ZC3H12B: variants seen among roughly 807,000 people sequenced by gnomAD.
The protein encoded by ZC3H12B is zinc finger CCCH-type containing 12B, also known as probable ribonuclease ZC3H12B.
In ZC3H12B, 7 loss-of-function variants were observed where a neutral mutation model predicts 43.9. That is an observed-to-expected ratio of 0.16 (90% CI 0.09 to 0.30). The LOEUF (loss-of-function observed/expected upper bound fraction) is 0.30. Among genes scored for constraint, ZC3H12B ranks in the 10% least tolerant of loss-of-function variants. ZC3H12B has a pLI of 1.00. For synonymous variants in ZC3H12B, 222 were observed against 241.7 expected (o/e 0.92, Z 0.76); for missense variants, 475 against 670.2 (o/e 0.71, Z 3.22).
At chrX:65,211,861 CTATATAA>C in the ZC3H12B span, among the ~76,000 whole-genome samples, 3 of 70,238 alleles carry the variant, frequency 4.3e-5, no homozygotes, top group Non-Finnish European at 7.3e-5. Context: ...GTTATGTATA[CTATATAA>C]TATATAATAT....
the ZC3H12B span, among the ~76,000 whole-genome samples, chrX:65,078,649 G>A: frequency 8.9e-6 from 1 of 111,753 alleles, no homozygotes; most frequent in Non-Finnish European, 1.9e-5. Flanking sequence ...ATCAAAGATT[G>A]ATTGAAGTGT....
At chrX:65,317,070 G>A in the ZC3H12B span, among the ~76,000 whole-genome samples, 1 of 111,146 alleles carries the variant, frequency 9.0e-6, no homozygotes, top group Non-Finnish European at 1.9e-5. Flanking sequence ...ATAATGGTAA[G>A]GGGGTAAATT....
At chrX:65,240,008 C>T in the ZC3H12B span, among the ~76,000 whole-genome samples, 1 of 111,228 alleles carries the variant, frequency 9.0e-6, no homozygotes, top group Non-Finnish European at 1.9e-5. Context: ...CCTTAACATC[C>T]TCTATTTCAT....
At chrX:65,347,569 TAA>T in the ZC3H12B span, among the ~76,000 whole-genome samples, 1 of 111,721 alleles carries the variant, frequency 9.0e-6, no homozygotes, top group South Asian at 3.8e-4. Context: ...TGGTGATCAT[TAA>T]AAAGTCAGGA....
Position 65,479,039 on chromosome X carries a change from A to G in ZC3H12B, n.408-9607A>G, listed in dbSNP as rs2068031378. Among the ~76,000 whole-genome samples the G allele has an allele frequency of 2.7e-5, 3 of 112,474 alleles. No homozygotes were observed. In the South Asian group the frequency reaches 1.1e-3, roughly 41 times the overall value. On this transcript the variant is annotated intron_variant and non_coding_transcript_variant, in intron 3 of 5. Coordinates refer to the ZC3H12B transcript ENST00000617377. ...CCTGAGGAAAAAGCTGTTCATTATT[A>G]GTGAGCTCTAAATCACATCAAATAA...
chrX:65,364,409 CAAAAAAA>C (rs796078421), upstream of ZC3H12B, among the ~76,000 whole-genome samples: 1 of 55,817 alleles, frequency 1.8e-5, no homozygotes, highest in Admixed American at 2.1e-4. Flanking sequence ...GCTTTACTTC[CAAAAAAA>C]AAAAAAAAAA....
chrX:65,504,334 TTTAACTAG>T (rs1044376364), exon 5 of ZC3H12B: 3 of 112,649 alleles, frequency 2.7e-5, no homozygotes, highest in Admixed American at 9.4e-5. Context: ...ATTTCATAGT[TTTAACTAG>T]TTATGAGAGA....
the ZC3H12B span, among the ~76,000 whole-genome samples, chrX:65,317,975 A>C: frequency 9.3e-6 from 1 of 107,512 alleles, no homozygotes; most frequent in African/African-American, 3.4e-5. Flanking sequence ...TTTTGCTGCT[A>C]TAAACATGCA....
At chrX:65,380,277 G>A (rs1248486250) in intron 2 of ZC3H12B, among the ~76,000 whole-genome samples, 1 of 112,186 alleles carries the variant, frequency 8.9e-6, no homozygotes, top group Non-Finnish European at 1.9e-5. Context: ...AACTCTATAA[G>A]CCAGAAGAGA....
the ZC3H12B span, among the ~76,000 whole-genome samples, chrX:65,058,794 C>T: frequency 3.6e-5 from 4 of 112,169 alleles, no homozygotes; most frequent in Admixed American, 3.8e-4. Context: ...CTTCCCCCAG[C>T]CTCACTGCCA....
chrX:65,072,258 T>C, the ZC3H12B span, among the ~76,000 whole-genome samples: 3 of 112,592 alleles, frequency 2.7e-5, no homozygotes, highest in African/African-American at 9.7e-5. Flanking sequence ...ATACTTGTGA[T>C]TGCATTATGA....
chrX:65,053,221 T>A, the ZC3H12B span, among the ~76,000 whole-genome samples: 1 of 110,826 alleles, frequency 9.0e-6, no homozygotes, highest in East Asian at 2.8e-4. Context: ...ACTCGCTATT[T>A]ACATTAGGTA....
the ZC3H12B span, among the ~76,000 whole-genome samples, chrX:65,348,989 G>C: frequency 2.7e-5 from 3 of 111,382 alleles, no homozygotes; most frequent in Middle Eastern, 4.6e-3. Flanking sequence ...AGGATATTCA[G>C]GACTTGAACT....
At chrX:65,317,370 C>A in the ZC3H12B span, among the ~76,000 whole-genome samples, 1 of 110,513 alleles carries the variant, frequency 9.0e-6, no homozygotes, top group Non-Finnish European at 1.9e-5. Flanking sequence ...ATTACACAAC[C>A]TACTCTTTTA....
At chrX:65,314,400 C>A in the ZC3H12B span, among the ~76,000 whole-genome samples, 1 of 111,228 alleles carries the variant, frequency 9.0e-6, no homozygotes, top group Non-Finnish European at 1.9e-5. Flanking sequence ...ATGTTGAAGG[C>A]AGACCGAGAA....
At chrX:65,484,994 T>C (rs766653487), upstream of ZC3H12B, among the ~76,000 whole-genome samples, 1 of 112,165 alleles carries the variant, frequency 8.9e-6, no homozygotes, top group African/African-American at 3.2e-5. Context: ...TTTTAGCAGA[T>C]TTTGCCTGCA....
At chrX:65,073,252 T>C in the ZC3H12B span, among the ~76,000 whole-genome samples, 1 of 112,749 alleles carries the variant, frequency 8.9e-6, no homozygotes, top group Non-Finnish European at 1.9e-5. Flanking sequence ...AGTCTGTCCA[T>C]GCACATGCAT....
At chrX:65,463,704 C>G (rs188115567) in intron 3 of ZC3H12B, among the ~76,000 whole-genome samples, 338 of 111,127 alleles carry the variant, frequency 3.0e-3, no homozygotes, top group Admixed American at 5.3e-3. Flanking sequence ...ATATGTGTCT[C>G]CCACTGCGCA....
At chrX:65,054,038 T>A in the ZC3H12B span, among the ~76,000 whole-genome samples, 5 of 112,373 alleles carry the variant, frequency 4.4e-5, no homozygotes, top group South Asian at 1.5e-3. Flanking sequence ...ATTGCAAAAA[T>A]TTTCTCCCAT....
Sources: allele counts gnomAD v4.1 joint callset (sites outside exome capture counted in the v4.1 genomes callset), GRCh38; gene constraint gnomAD v4.1.1; transcripts MANE v1.5; gene names NCBI Gene and HGNC (gene_info 2026-07-23, HGNC 2026-07-21).